CTTNBP2: variants seen among roughly 807,000 people sequenced by gnomAD.
The protein encoded by CTTNBP2 is cortactin-binding protein 2.
Under a neutral mutation model 156.9 loss-of-function variants are expected in CTTNBP2, and 108 were observed. The observed-to-expected ratio is 0.69, with a 90% CI of 0.59 to 0.81. CTTNBP2 has a LOEUF of 0.81. CTTNBP2 is among the 30% of genes least tolerant of loss of function. The pLI is 0.00. For missense variants in CTTNBP2, 1,924 were observed against 2,035.4 expected (o/e 0.95, Z 1.05); for synonymous variants, 767 against 751.8 (o/e 1.02, Z -0.33).
intron 16 of CTTNBP2, among the ~76,000 whole-genome samples, chr7:117,733,250 G>A (rs1442762312): frequency 1.3e-5 from 2 of 152,162 alleles, no homozygotes; most frequent in Non-Finnish European, 1.5e-5. Context: ...CCTACTTGAA[G>A]TGCTTATTGG....
chr7:117,778,123 A>G (rs1798206205), intron 7 of CTTNBP2, among the ~76,000 whole-genome samples: 1 of 152,246 alleles, frequency 6.6e-6, no homozygotes, highest in Non-Finnish European at 1.5e-5. Context: ...AAGGGATTAA[A>G]AAATTTATAT....
chr7:117,780,299 A>T (rs1323949790), intron 7 of CTTNBP2, 142 bp downstream of exon 7: 1 of 516,690 alleles, frequency 1.9e-6, no homozygotes, highest in East Asian at 3.5e-5. Flanking sequence ...GATTCAAACA[A>T]GGGTCAGACA....
At chr7:117,740,555 T>C (rs1014380716) in intron 14 of CTTNBP2, among the ~76,000 whole-genome samples, 8 of 152,222 alleles carry the variant, frequency 5.3e-5, no homozygotes, top group Admixed American at 4.6e-4. Flanking sequence ...TACTCTTCAG[T>C]TGTGGTACTT....
intron 14 of CTTNBP2, among the ~76,000 whole-genome samples, chr7:117,739,515 C>T (rs1310975215): frequency 2.0e-5 from 3 of 152,186 alleles, no homozygotes; most frequent in Non-Finnish European, 2.9e-5. Context: ...TTTAACTGGA[C>T]ACTGTCTTTG....
chr7:117,834,517 C>G (rs1006126792), intron 2 of CTTNBP2, among the ~76,000 whole-genome samples: 1 of 152,142 alleles, frequency 6.6e-6, no homozygotes, highest in Non-Finnish European at 1.5e-5. Flanking sequence ...ACCACTCACC[C>G]CAGTTAGGAA....
intron 19 of CTTNBP2, among the ~76,000 whole-genome samples, chr7:117,722,472 A>G (rs1157427632): frequency 6.6e-6 from 1 of 152,184 alleles, no homozygotes; most frequent in Non-Finnish European, 1.5e-5. Flanking sequence ...TTATTCTGTC[A>G]AAGAAGTTCA....
intron 21 of CTTNBP2, 50 bp from the exon 22 acceptor site, chr7:117,718,169 A>C: frequency 9.0e-6 from 10 of 1,112,254 alleles, no homozygotes; most frequent in Non-Finnish European, 1.2e-5. Flanking sequence ...CACACTGTGC[A>C]TACTCAAGGC....
chr7:117,843,404 G>A (rs995666602), intron 2 of CTTNBP2, among the ~76,000 whole-genome samples: 1 of 152,126 alleles, frequency 6.6e-6, no homozygotes. Flanking sequence ...TTAAATAGAT[G>A]GTCAGAGAAA....
intron 2 of CTTNBP2, among the ~76,000 whole-genome samples, chr7:117,839,432 T>G (rs1270888954): frequency 6.6e-6 from 1 of 152,050 alleles, no homozygotes; most frequent in East Asian, 1.9e-4. Flanking sequence ...GCCTTAATAA[T>G]GCATCTAATA....
intron 2 of CTTNBP2, among the ~76,000 whole-genome samples, chr7:117,856,767 T>C (rs1222823249): frequency 6.6e-6 from 1 of 152,226 alleles, no homozygotes; most frequent in Non-Finnish European, 1.5e-5. Flanking sequence ...ATAATATTTA[T>C]GTAAACTCAT....
At chr7:117,768,658 A>G (rs1371852093) in intron 8 of CTTNBP2, among the ~76,000 whole-genome samples, 2 of 151,966 alleles carry the variant, frequency 1.3e-5, no homozygotes, top group Non-Finnish European at 2.9e-5. Flanking sequence ...AAGCACACAT[A>G]CTTGTGGAAG....
chr7:117,711,243 T>G lies in CTTNBP2; in HGVS notation c.*294A>C, dbSNP rs1453678613. The G allele has an allele frequency of 6.5e-6, 2 of 305,500 alleles. No homozygotes were observed. The highest frequency in any genetic ancestry group is 1.2e-5 in the Non-Finnish European group (2 of 162,542). 18.9% of individuals were successfully genotyped at this position (305,500 alleles called of 1,614,324 possible). Reference sequence around the variant, plus strand: ...CAGATATACAGTACACAGTTCTGTTTTAATACCCCTGAACATCTTGATTAA... The same window carrying G: ...CAGATATACAGTACACAGTTCTGTTGTAATACCCCTGAACATCTTGATTAA... On this transcript the variant is annotated 3_prime_UTR_variant, in exon 23 of 23. Coordinates refer to ENST00000160373, the MANE Select transcript of CTTNBP2 (RefSeq NM_033427.3).
intron 2 of CTTNBP2, among the ~76,000 whole-genome samples, chr7:117,854,757 A>G (rs1009448117): frequency 6.6e-6 from 1 of 152,124 alleles, no homozygotes; most frequent in African/African-American, 2.4e-5. Flanking sequence ...TATTTTAGCA[A>G]AAATAGATGA....
Position 117,792,272 on chromosome 7 carries a change from C to G in CTTNBP2, c.924G>C (p.Gln308His), listed in dbSNP as rs370017291. 1 of 1,614,088 alleles carries G rather than the reference C, an allele frequency of 6.2e-7. No individual in the cohort carries two copies. The highest frequency in any genetic ancestry group is 1.3e-5 in the African/African-American group (1 of 74,938). Reference sequence around the variant, plus strand: ...CAGCATTTTCTGTCACTAGGTCTGTCTGGCATGCAACAGACCTTGTCACAG... The same window carrying G: ...CAGCATTTTCTGTCACTAGGTCTGTGTGGCATGCAACAGACCTTGTCACAG... Reference protein sequence around the residue: ...EGTVTRSVACQTDLVTENADH... With the variant: ...EGTVTRSVACHTDLVTENADH... Residue 308 changes from glutamine (Q) to histidine (H), a missense_variant, in exon 4 of 23, where the codon CAG becomes CAC. By Grantham distance (24) the Gln-to-His change is conservative. Coordinates refer to ENST00000160373, the MANE Select transcript of CTTNBP2 (RefSeq NM_033427.3). This position sits in a 1 kb window ranked among gnomAD's most constrained non-coding sequence, Gnocchi z 4.2.
At chr7:117,820,348 A>G (rs1367888199) in intron 2 of CTTNBP2, among the ~76,000 whole-genome samples, 1 of 152,214 alleles carries the variant, frequency 6.6e-6, no homozygotes, top group African/African-American at 2.4e-5. Context: ...CTGAAATATT[A>G]CCATTAGTTA....
At chr7:117,867,639 C>G (rs1804290772) in intron 1 of CTTNBP2, among the ~76,000 whole-genome samples, 1 of 152,196 alleles carries the variant, frequency 6.6e-6, no homozygotes, top group South Asian at 2.1e-4. Flanking sequence ...ATCCATCTTA[C>G]TAAGATACAA....
At chr7:117,824,779 C>T (rs952563250) in intron 2 of CTTNBP2, among the ~76,000 whole-genome samples, 4 of 152,188 alleles carry the variant, frequency 2.6e-5, no homozygotes, top group Admixed American at 6.5e-5. Context: ...TTCACTTCAA[C>T]GCCTAGGTTT....
At chr7:117,731,588 G>A (rs1433572632) in intron 16 of CTTNBP2, among the ~76,000 whole-genome samples, 2 of 152,238 alleles carry the variant, frequency 1.3e-5, no homozygotes, top group African/African-American at 4.8e-5. Flanking sequence ...ATCACACTGT[G>A]TTTTGATGAT....
At chr7:117,842,528 A>G (rs1328044566) in intron 2 of CTTNBP2, among the ~76,000 whole-genome samples, 1 of 152,076 alleles carries the variant, frequency 6.6e-6, no homozygotes, top group Non-Finnish European at 1.5e-5. Context: ...AAAAAAAAAG[A>G]AAAAAAGAAC....
Sources: gnomAD v4.1 joint callset for allele counts (sites outside exome capture counted in the v4.1 genomes callset) on GRCh38, gnomAD v4.1.1 for gene constraint, Gnocchi (gnomAD v3.1) non-coding constraint, MANE v1.5 for transcripts, NCBI Gene and HGNC (gene_info 2026-07-23, HGNC 2026-07-21) for gene names.